ABCC1: variants seen among roughly 807,000 people sequenced by gnomAD.
ABCC1 encodes multidrug resistance-associated protein 1.
A neutral mutation model predicts 172.9 loss-of-function variants in ABCC1; 83 were observed. That is an observed-to-expected ratio of 0.48 (90% CI 0.40 to 0.58). The LOEUF (loss-of-function observed/expected upper bound fraction) is 0.58. ABCC1 is among the 20% of genes least tolerant of loss of function. ABCC1 has a pLI of 0.00. For synonymous variants in ABCC1, 937 were observed against 825.2 expected, an observed-to-expected ratio of 1.14 and a Z score of -2.32; for missense variants, 1,817 against 2,002.7, an observed-to-expected ratio of 0.91 and a Z score of 1.77.
chr16:16,060,672 C>T (rs973477191), intron 12 of ABCC1, among the ~76,000 whole-genome samples: 7 of 152,090 alleles, frequency 4.6e-5, no homozygotes, highest in African/African-American at 1.4e-4. Flanking sequence ...CAAACATGCA[C>T]TACCATGCCT....
chr16:16,034,948 T>C (rs757363770), intron 6 of ABCC1, among the ~76,000 whole-genome samples: 6 of 152,120 alleles, frequency 3.9e-5, no homozygotes, highest in Admixed American at 6.6e-5. Flanking sequence ...TGTGTTTGTG[T>C]GTGCATGTCA....
chr16:16,104,275 C>G (rs1298996118), intron 20 of ABCC1, among the ~76,000 whole-genome samples: 1 of 152,142 alleles, frequency 6.6e-6, no homozygotes, highest in African/African-American at 2.4e-5. Flanking sequence ...CTTATCTGGC[C>G]CTACCCACAT....
intron 1 of ABCC1, among the ~76,000 whole-genome samples, chr16:15,984,087 G>C (rs1464428166): frequency 6.6e-6 from 1 of 152,158 alleles, no homozygotes; most frequent in Non-Finnish European, 1.5e-5. Context: ...GGAACTCATT[G>C]TGTCATTGTT....
intron 1 of ABCC1, among the ~76,000 whole-genome samples, chr16:16,002,292 A>G (rs2047342953): frequency 6.6e-6 from 1 of 152,148 alleles, no homozygotes; most frequent in African/African-American, 2.4e-5. Context: ...ATAACAGAAG[A>G]TGTATATTTA....
chr16:16,103,235 C>A (rs1399565586), intron 20 of ABCC1, among the ~76,000 whole-genome samples: 2 of 152,112 alleles, frequency 1.3e-5, no homozygotes, highest in Admixed American at 1.3e-4. Flanking sequence ...TCCTTAGATC[C>A]CTGGGGATTT....
At chr16:15,992,375 T>G (rs2384938) in intron 1 of ABCC1, among the ~76,000 whole-genome samples, 14,247 of 152,148 alleles carry the variant, frequency 0.094, 745 homozygotes, top group Middle Eastern at 0.15. Flanking sequence ...CCACAAAACC[T>G]ATCCTTGCTG....
At chr16:15,999,145 T>C (rs1391967085) in intron 1 of ABCC1, among the ~76,000 whole-genome samples, 3 of 151,890 alleles carry the variant, frequency 2.0e-5, no homozygotes, top group Non-Finnish European at 2.9e-5. Context: ...GGACTACAGG[T>C]GCCCGCCACC....
intron 30 of ABCC1, among the ~76,000 whole-genome samples, chr16:16,140,759 A>T (rs2046098149): frequency 1.3e-5 from 2 of 152,216 alleles, no homozygotes; most frequent in Admixed American, 6.5e-5. Flanking sequence ...CACACTATAA[A>T]TACAGCAGAG....
chr16:15,982,319 A>G (rs1440854389), intron 1 of ABCC1, among the ~76,000 whole-genome samples: 1 of 152,040 alleles, frequency 6.6e-6, no homozygotes, highest in Non-Finnish European at 1.5e-5. Context: ...TTATAAAGGG[A>G]AGAGATTTAG....
chr16:16,088,528 G>T (rs964015223), intron 18 of ABCC1, among the ~76,000 whole-genome samples: 4 of 152,150 alleles, frequency 2.6e-5, no homozygotes, highest in Non-Finnish European at 4.4e-5. Context: ...TAGAGAGCAA[G>T]GGTTAGCAAA....
In ABCC1 at chr16:16,005,019, C is replaced by CT. The variant is rs34044736; in HGVS notation, c.49-2787dup. Among the ~76,000 whole-genome samples, 597 of 145,760 alleles carry CT rather than the reference C, an allele frequency of 4.1e-3. 2 individuals carry two copies. Among genetic ancestry groups the CT allele is most frequent in the Non-Finnish European group, 6.2e-3 (415 of 67,044 alleles). On this transcript the variant is annotated intron_variant, in intron 1 of 30. Transcript: ENST00000399410. ...CATGTATATTTTGATCAGATTGACA[C>CT]TTTTTTTTTTAAGTGAAGTGATCTT...
intron 1 of ABCC1, among the ~76,000 whole-genome samples, chr16:15,971,244 T>G (rs1033538647): frequency 7.2e-5 from 11 of 152,172 alleles, no homozygotes; most frequent in African/African-American, 2.4e-5. Flanking sequence ...ATGAAAAAGC[T>G]GGCCCTCCCA....
At position 16,141,374 on chromosome 16, in the gene ABCC1, A is replaced by G. The variant is rs2046120891; in HGVS notation, c.*93A>G. The G allele has an allele frequency of 3.3e-6, 4 of 1,195,380 alleles. No individual in the cohort carries two copies. The highest frequency in any genetic ancestry group is 4.8e-6 in the Non-Finnish European group (4 of 831,440). 74.0% of individuals were successfully genotyped at this position (1,195,380 alleles called of 1,614,324 possible). On this transcript the variant is annotated 3_prime_UTR_variant, in exon 31 of 31. Transcript: ENST00000399410. ...ACCCCTGGTAAACCAAGCCTCCCAC[A>G]CTGAAACCAAAACATAAAAACCAAA...
chr16:16,033,466 G>A (rs1174703942), intron 6 of ABCC1, among the ~76,000 whole-genome samples: 1 of 152,110 alleles, frequency 6.6e-6, no homozygotes, highest in Non-Finnish European at 1.5e-5. Flanking sequence ...TCAGATTTGG[G>A]TTTTTAAAAT....
intron 1 of ABCC1, among the ~76,000 whole-genome samples, chr16:15,985,655 G>A (rs2046726945): frequency 6.6e-6 from 1 of 151,862 alleles, no homozygotes; most frequent in African/African-American, 2.4e-5. Flanking sequence ...ATGTTGGTCG[G>A]GCTGGTCTCG....
chr16:16,121,549 G>T (rs530566054), intron 23 of ABCC1, among the ~76,000 whole-genome samples: 93 of 152,318 alleles, frequency 6.1e-4, no homozygotes, highest in Non-Finnish European at 1.1e-3. Flanking sequence ...CAGGGTAGAG[G>T]TTAGCACTTT....
In ABCC1 at chr16:16,055,521, G is replaced by C. The variant is rs1440609432; in HGVS notation, c.1474-571G>C. Among the ~76,000 whole-genome samples, 3 of 151,236 alleles carry C rather than the reference G, an allele frequency of 2.0e-5. No homozygotes were observed. In the East Asian group the frequency reaches 5.8e-4, roughly 29 times the overall value. ...GCCAAGATCGTGCTACTGCACTCCA[G>C]CCTGGGCAAGAGAGCGAGACTCCGT... On this transcript the variant is annotated intron_variant, in intron 11 of 30. Transcript: ENST00000399410.
chr16:16,124,401 GT>G (rs2045338457), intron 24 of ABCC1, among the ~76,000 whole-genome samples: 1 of 35,574 alleles, frequency 2.8e-5, no homozygotes, highest in Non-Finnish European at 9.5e-5. Flanking sequence ...GTGTGTGTGT[GT>G]GTGTGTGTAT....
chr16:15,967,595 AATT>A (rs1174648054), intron 1 of ABCC1, among the ~76,000 whole-genome samples: 27 of 148,292 alleles, frequency 1.8e-4, no homozygotes, highest in Admixed American at 6.1e-4. Flanking sequence ...TAATAATAAT[AATT>A]ATTATTATTA....
Sources: allele counts gnomAD v4.1 joint callset (sites outside exome capture counted in the v4.1 genomes callset), GRCh38; gene constraint gnomAD v4.1.1; transcripts MANE v1.5; gene names NCBI Gene and HGNC (gene_info 2026-07-23, HGNC 2026-07-21).